KIF27: variants seen among roughly 807,000 people sequenced by gnomAD.
KIF27 encodes the protein kinesin-like protein KIF27.
Under a neutral mutation model 141.8 loss-of-function variants are expected in KIF27, and 84 were observed. The ratio of observed to expected loss-of-function variants is 0.59; its 90% confidence interval spans 0.50 to 0.71. KIF27 has a LOEUF of 0.71. Ranked by LOEUF, KIF27 falls within the 30% of genes least tolerant of loss-of-function variation. The probability of loss-of-function intolerance (pLI) is 0.00; values close to 1 mark genes in which losing one functional copy is unlikely to be tolerated. For synonymous variants in KIF27, 471 were observed against 569.5 expected (o/e 0.83, Z 2.46); for missense variants, 1,306 against 1,628.4 (o/e 0.80, Z 3.41).
Position 83,871,139 on chromosome 9 carries a change from T to C in KIF27, c.2644-507A>G, listed in dbSNP as rs1564344264. ...TTACATTGCCCAGGCCAGTCTCTAG[T>C]GATCTTCCTGGCCTCCAGTGATCCT... On this transcript the variant is annotated intron_variant, in intron 11 of 17. Coordinates refer to ENST00000297814, the MANE Select transcript of KIF27 (RefSeq NM_017576.4). Among the ~76,000 whole-genome samples, 4 of 152,228 alleles carry C rather than the reference T, an allele frequency of 2.6e-5. No homozygotes were observed. In the South Asian group the frequency reaches 6.2e-4, roughly 24 times the overall value.
chr9:83,859,200 T>C lies in KIF27; in HGVS notation c.3106A>G (p.Asn1036Asp), dbSNP rs55654273. 0.13 allele frequency: 214,445 copies of C among 1,613,412 alleles called. 14,901 individuals carry two copies. Among genetic ancestry groups the C allele is most frequent in the African/African-American group, 0.14 (10,709 of 75,002 alleles). ...EKDQLQKRRHNVDEKLKNGRV... is the reference protein window; with the variant it reads ...EKDQLQKRRHDVDEKLKNGRV... ...CCATTTTTAAGTTTTTCATCCACAT[T>C]GTGTCTGCGTTTCTGGAGCTGATCC... The change falls in exon 14 of 18, where the codon AAT becomes GAT. Residue 1036 changes from asparagine (N) to aspartate (D), a missense_variant. By Grantham distance (23) the Asn-to-Asp change is conservative. Around this residue, in one of 4 missense-constraint regions of KIF27, gnomAD observed 596 missense variants for 751.6 expected, o/e 0.79. Coordinates refer to ENST00000297814, the MANE Select transcript of KIF27 (RefSeq NM_017576.4).
chr9:83,894,214 T>C (rs1287140571), intron 5 of KIF27, among the ~76,000 whole-genome samples: 5 of 152,156 alleles, frequency 3.3e-5, no homozygotes, highest in Admixed American at 6.5e-5. Context: ...TTTCCAGGTA[T>C]AGGGGGAATT....
chr9:83,880,474 T>C lies in KIF27; in HGVS notation c.2466A>G (p.Gln822=). The stretch of plus-strand genomic sequence containing the variant: ...ACAGTGATGCCAGTTTCTTACTATC[T>C]TGTTGCTTCTTCTGCAAGACCTGAG... ...LRVQVLQKKQ[Q]DSKKLASLSI... The change falls in exon 11 of 18, where the codon CAA becomes CAG. Residue 822 remains glutamine, a synonymous_variant. Coordinates refer to ENST00000297814, the MANE Select transcript of KIF27 (RefSeq NM_017576.4). The C allele has an allele frequency of 1.2e-6, 2 of 1,611,034 alleles. No individual in the cohort carries two copies. The highest frequency in any genetic ancestry group is 1.7e-6 in the Non-Finnish European group (2 of 1,179,592).
intron 5 of KIF27, among the ~76,000 whole-genome samples, chr9:83,896,750 A>T (rs190160677): frequency 2.1e-4 from 32 of 152,344 alleles, no homozygotes; most frequent in African/African-American, 7.0e-4. Context: ...TCCCAGAAAC[A>T]TACAAAATTA....
intron 4 of KIF27, among the ~76,000 whole-genome samples, chr9:83,901,172 C>G (rs1321626853): frequency 1.3e-5 from 2 of 152,176 alleles, no homozygotes; most frequent in East Asian, 3.9e-4. Flanking sequence ...GTTTCCCAGA[C>G]TGGTTTCAAA....
At chr9:83,919,845 G>C (rs1956081328) in intron 1 of KIF27, among the ~76,000 whole-genome samples, 2 of 152,096 alleles carry the variant, frequency 1.3e-5, no homozygotes, top group South Asian at 4.1e-4. Flanking sequence ...TGTGAGCCAC[G>C]ATGCCCAGCC....
intron 9 of KIF27, among the ~76,000 whole-genome samples, chr9:83,885,386 C>T (rs963574630): frequency 6.6e-6 from 1 of 152,186 alleles, no homozygotes; most frequent in Non-Finnish European, 1.5e-5. Context: ...AGCCACCGTG[C>T]CCAGCCTATT....
At chr9:83,897,668 G>A (rs1248107422) in intron 5 of KIF27, among the ~76,000 whole-genome samples, 4 of 151,780 alleles carry the variant, frequency 2.6e-5, no homozygotes. Context: ...AGAGTAAAAA[G>A]CAAGCCACAG....
At chr9:83,901,471 T>C (rs1267012998) in intron 4 of KIF27, among the ~76,000 whole-genome samples, 2 of 152,208 alleles carry the variant, frequency 1.3e-5, no homozygotes, top group South Asian at 2.1e-4. Context: ...CCAAAACATA[T>C]TGCAACAAAC....
chr9:83,914,076 T>C (rs994985467), intron 2 of KIF27, among the ~76,000 whole-genome samples: 2 of 151,496 alleles, frequency 1.3e-5, no homozygotes, highest in African/African-American at 2.4e-5. Flanking sequence ...CTTACAAAAT[T>C]AAAATAGTAC....
chr9:83,869,746 C>T (rs1222671381), intron 12 of KIF27, among the ~76,000 whole-genome samples: 3 of 151,868 alleles, frequency 2.0e-5, no homozygotes, highest in Non-Finnish European at 2.9e-5. Context: ...AAAATATACT[C>T]GTCTTCATGA....
intron 4 of KIF27, among the ~76,000 whole-genome samples, chr9:83,902,033 C>T (rs575286585): frequency 3.9e-5 from 6 of 152,228 alleles, no homozygotes; most frequent in African/African-American, 1.4e-4. Context: ...TAAACAAAAG[C>T]TCTTTGAGGG....
intron 13 of KIF27, among the ~76,000 whole-genome samples, chr9:83,867,153 G>C (rs34862088): frequency 5.9e-5 from 9 of 151,988 alleles, no homozygotes; most frequent in East Asian, 1.9e-4. Flanking sequence ...AGGTTTTCAA[G>C]GTTCATCCAT....
chr9:83,848,070 G>GATATATCATATCTGAT, intron 16 of KIF27, among the ~76,000 whole-genome samples: 1 of 43,216 alleles, frequency 2.3e-5, no homozygotes, highest in South Asian at 6.5e-4. Context: ...TCATATATAT[G>GATATATCATATCTGAT]ATATATGATA....
chr9:83,903,084 C>G lies in KIF27; in HGVS notation c.1434G>C (p.Leu478=). ...EGPQHVTVLQ[L]KRELKKCQCV... The stretch of plus-strand genomic sequence containing the variant: ...CCTGGCATTTCTTAAGCTCTCTCTT[C>G]AGCTGGAGAACTGTAACATGCTGTG... Residue 478 remains leucine (L), a synonymous_variant, in exon 4 of 18, where the codon CTG becomes CTC. Coordinates refer to ENST00000297814, the MANE Select transcript of KIF27 (RefSeq NM_017576.4). 6.2e-7 allele frequency: 1 copy of G among 1,612,814 alleles called. No homozygotes were observed. The highest frequency in any genetic ancestry group is 8.5e-7 in the Non-Finnish European group (1 of 1,178,972).
At position 83,880,449 on chromosome 9, in the gene KIF27, A is replaced by G. The variant is rs1223017955; in HGVS notation, c.2491T>C (p.Ser831Pro). The change falls in exon 11 of 18, where the codon TCA becomes CCA. Residue 831 changes from serine to proline, a missense_variant. By Grantham distance (74) the Ser-to-Pro change is moderately conservative (BLOSUM62 -1). Around this residue, in one of 4 missense-constraint regions of KIF27, gnomAD observed 596 missense variants for 751.6 expected, o/e 0.79. Coordinates refer to ENST00000297814, the MANE Select transcript of KIF27 (RefSeq NM_017576.4). ...TTAGCACGTTTCTCATTTTGGATTGACAGTGATGCCAGTTTCTTACTATCT... is the reference window on the plus strand; with the variant it reads ...TTAGCACGTTTCTCATTTTGGATTGGCAGTGATGCCAGTTTCTTACTATCT... ...QQDSKKLASL[S>P]IQNEKRANEL... The G allele has an allele frequency of 6.2e-7, 1 of 1,612,876 alleles. No individual in the cohort carries two copies. The highest frequency in any genetic ancestry group is 1.3e-5 in the African/African-American group (1 of 74,898).
chr9:83,887,496 A>G (rs56045327), intron 8 of KIF27, among the ~76,000 whole-genome samples: 24,091 of 152,176 alleles, frequency 0.16, 2,127 homozygotes, highest in African/African-American at 0.23. Context: ...TGAGATAGGT[A>G]TAAAATTTCC....
intron 15 of KIF27, among the ~76,000 whole-genome samples, chr9:83,850,912 A>G (rs527469597): frequency 1.3e-3 from 151 of 117,508 alleles, no homozygotes; most frequent in African/African-American, 4.9e-3. Context: ...ATCTCGGCTC[A>G]CTGCAAGCTC....
chr9:83,834,842 CATG>C lies in KIF27; in HGVS notation c.*2156_*2158del, dbSNP rs1378908286. On this transcript the variant is annotated 3_prime_UTR_variant, in exon 18 of 18. Transcript: ENST00000297814. ...ACATTATAGCTATATAATGATATAT[CATG>C]ATATAAAATATGATATGAAATAATA... Among the ~76,000 whole-genome samples the C allele has an allele frequency of 2.0e-5, 3 of 147,184 alleles. No individual in the cohort carries two copies. The highest frequency in any genetic ancestry group is 4.5e-5 in the Non-Finnish European group (3 of 67,296).
Sources: gnomAD v4.1 joint callset for allele counts (sites outside exome capture counted in the v4.1 genomes callset) on GRCh38, gnomAD v4.1.1 for gene constraint, gnomAD v4.1.1 regional missense constraint, MANE v1.5 for transcripts, NCBI Gene and HGNC (gene_info 2026-07-23, HGNC 2026-07-21) for gene names.